TRABD2B: variants seen among roughly 807,000 people sequenced by gnomAD.
TRABD2B encodes TraB domain containing 2B.
In TRABD2B, 14 loss-of-function variants were observed where a neutral mutation model predicts 40.1. The observed-to-expected ratio is 0.35, with a 90% confidence interval of 0.23 to 0.55. The LOEUF (loss-of-function observed/expected upper bound fraction) is 0.55, where lower values mean the gene tolerates loss of function less well. Ranked by LOEUF, TRABD2B falls within the 20% of genes least tolerant of loss-of-function variation. The pLI is 0.90. For synonymous variants in TRABD2B, 263 were observed against 277.0 expected (o/e 0.95, Z 0.50); for missense variants, 541 against 648.6 (o/e 0.83, Z 1.80).
chr1:47,890,216 G>C (rs1403209301), intron 2 of TRABD2B, among the ~76,000 whole-genome samples: 1 of 152,242 alleles, frequency 6.6e-6, no homozygotes, highest in Non-Finnish European at 1.5e-5. Flanking sequence ...AATGGTAGAA[G>C]TAACTACAAC....
chr1:47,794,802 T>TC, intron 3 of TRABD2B, 42 bp from the exon 4 acceptor site: 1 of 1,455,998 alleles, frequency 6.9e-7, no homozygotes. Context: ...TTTTTTTTTT[T>TC]TTTTTTTTTT....
intron 2 of TRABD2B, among the ~76,000 whole-genome samples, chr1:47,897,382 T>C (rs1358929136): frequency 1.3e-5 from 2 of 151,984 alleles, no homozygotes; most frequent in Non-Finnish European, 2.9e-5. Context: ...TAGGCGGCCA[T>C]AGAAGGAGTA....
At chr1:47,923,323 A>G (rs193199483) in intron 2 of TRABD2B, among the ~76,000 whole-genome samples, 10 of 152,342 alleles carry the variant, frequency 6.6e-5, no homozygotes, top group Middle Eastern at 3.4e-3. Flanking sequence ...GATGAGTCTC[A>G]CCACTGGATT....
At chr1:47,907,998 C>T (rs970157160) in intron 2 of TRABD2B, among the ~76,000 whole-genome samples, 6 of 151,970 alleles carry the variant, frequency 3.9e-5, no homozygotes, top group Non-Finnish European at 7.4e-5. Context: ...TTTCTTTTCT[C>T]ATTAAAAAGT....
At chr1:47,844,328 G>A (rs925245803) in intron 2 of TRABD2B, among the ~76,000 whole-genome samples, 2 of 152,188 alleles carry the variant, frequency 1.3e-5, no homozygotes, top group African/African-American at 2.4e-5. Context: ...TGGCTCTTGG[G>A]GGCCACCTTC....
intron 2 of TRABD2B, among the ~76,000 whole-genome samples, chr1:47,839,094 G>A (rs890471581): frequency 1.3e-5 from 2 of 152,184 alleles, no homozygotes; most frequent in African/African-American, 4.8e-5. Context: ...AGATTGGAAC[G>A]CTGCCTTCAA....
intron 3 of TRABD2B, among the ~76,000 whole-genome samples, chr1:47,800,545 C>A (rs897905713): frequency 6.6e-6 from 1 of 152,162 alleles, no homozygotes. Flanking sequence ...GCCATGCAGG[C>A]CACTGTAGAG....
chr1:47,961,554 A>T (rs918428263), intron 2 of TRABD2B, among the ~76,000 whole-genome samples: 1 of 152,246 alleles, frequency 6.6e-6, no homozygotes, highest in East Asian at 1.9e-4. Context: ...TGGGCAAAGG[A>T]TATGAGCAGA....
intron 2 of TRABD2B, among the ~76,000 whole-genome samples, chr1:47,803,501 A>G (rs781312624): frequency 3.5e-4 from 53 of 152,198 alleles, no homozygotes; most frequent in Non-Finnish European, 7.3e-4. Flanking sequence ...AGAATAGCCA[A>G]CAGCCTGCCA....
At chr1:47,880,531 C>T (rs1644288103) in intron 2 of TRABD2B, among the ~76,000 whole-genome samples, 1 of 152,092 alleles carries the variant, frequency 6.6e-6, no homozygotes, top group Non-Finnish European at 1.5e-5. Flanking sequence ...ACGCGGATAC[C>T]AGGTCAAAAC....
chr1:47,987,021 T>C (rs1361185471), intron 2 of TRABD2B, among the ~76,000 whole-genome samples: 3 of 152,168 alleles, frequency 2.0e-5, no homozygotes, highest in African/African-American at 4.8e-5. Flanking sequence ...GCTGTGGCGC[T>C]CACGCCGGCA....
chr1:47,914,303 AAG>A, intron 2 of TRABD2B, among the ~76,000 whole-genome samples: 1 of 152,386 alleles, frequency 6.6e-6, no homozygotes, highest in South Asian at 2.1e-4. Context: ...GAGTAGCAGG[AAG>A]AGAGGTGTCT....
chr1:47,796,879 C>T lies in TRABD2B; in HGVS notation c.814-2119G>A, dbSNP rs184844320. Among the ~76,000 whole-genome samples the T allele has an allele frequency of 2.3e-3, 349 of 152,268 alleles. 2 individuals carry two copies. Among genetic ancestry groups the T allele is most frequent in the Admixed American group, 7.9e-3 (121 of 15,298 alleles). The stretch of plus-strand genomic sequence containing the variant: ...TATGGGAACACTGACGGCTTCTGAA[C>T]GGGGAGAAGCACAGAAAGCCCATGA... On this transcript the variant is annotated intron_variant, in intron 3 of 6. Coordinates refer to ENST00000606738, the MANE Select transcript of TRABD2B (RefSeq NM_001194986.2).
At chr1:47,791,749 T>C (rs1444638990) in intron 4 of TRABD2B, among the ~76,000 whole-genome samples, 1 of 152,188 alleles carries the variant, frequency 6.6e-6, no homozygotes, top group African/African-American at 2.4e-5. Context: ...CATAAGAATG[T>C]AACGAGGCCG....
rs2124393453 is a variant in TRABD2B at position 47,762,800 on chromosome 1, C to CAAAGG, written c.*3101_*3102insCCTTT. The CAAAGG allele has an allele frequency of 6.6e-6, 1 of 152,264 alleles. No individual in the cohort carries two copies. Among genetic ancestry groups the CAAAGG allele is most frequent in the South Asian group, 2.1e-4 (1 of 4,820 alleles). The allele number at this position is 152,264 out of a possible 1,614,324, so 9.4% of individuals were successfully genotyped here. A position where few individuals can be genotyped will look rare whatever the true frequency, so the allele number is the denominator to read the frequency against. On this transcript the variant is annotated 3_prime_UTR_variant, in exon 7 of 7. Transcript: ENST00000606738. ...CCCTGTCTTCATCTGGCTGCTGGTG[C>CAAAGG]ATCAGACCCACCACTGGAGGAAGAC... is the stretch of plus-strand genomic sequence containing the variant.
intron 4 of TRABD2B, among the ~76,000 whole-genome samples, chr1:47,782,493 CAG>C (rs762538369): frequency 2.6e-5 from 4 of 152,210 alleles, no homozygotes; most frequent in Non-Finnish European, 1.5e-5. Flanking sequence ...TCTTTATCCC[CAG>C]AGATAAACTC....
At chr1:47,972,508 G>T (rs771656789) in intron 2 of TRABD2B, among the ~76,000 whole-genome samples, 4 of 150,234 alleles carry the variant, frequency 2.7e-5, no homozygotes, top group Non-Finnish European at 4.4e-5. Flanking sequence ...TTATAAAAGA[G>T]ACCCCAGAGA....
intron 4 of TRABD2B, among the ~76,000 whole-genome samples, chr1:47,781,576 G>C (rs781579570): frequency 1.3e-5 from 2 of 152,182 alleles, no homozygotes; most frequent in Non-Finnish European, 2.9e-5. Context: ...TTTTCTGTAA[G>C]ACCCAAAACA....
At chr1:47,843,577 A>G (rs1645428763) in intron 2 of TRABD2B, among the ~76,000 whole-genome samples, 1 of 152,122 alleles carries the variant, frequency 6.6e-6, no homozygotes, top group Non-Finnish European at 1.5e-5. Context: ...GGATGGAGTT[A>G]TACATTTGGG....
Sources: gnomAD v4.1 joint callset for allele counts (sites outside exome capture counted in the v4.1 genomes callset) on GRCh38, gnomAD v4.1.1 for gene constraint, MANE v1.5 for transcripts, NCBI Gene and HGNC (gene_info 2026-07-23, HGNC 2026-07-21) for gene names.